Variants in TIAM1 observed in about 807,000 individuals in gnomAD.
TIAM1 encodes TIAM Rac1 associated GEF 1.
In TIAM1, 65 loss-of-function variants were observed where a neutral mutation model predicts 163.5. The ratio of observed to expected loss-of-function variants is 0.40; its 90% CI spans 0.33 to 0.49. TIAM1 has a LOEUF of 0.49. Ranked by LOEUF, TIAM1 falls within the 20% of genes least tolerant of loss-of-function variation. The probability of loss-of-function intolerance (pLI) is 0.77; values close to 1 mark genes in which losing one functional copy is unlikely to be tolerated. For missense variants in TIAM1, 1,789 were observed against 2,044.7 expected (o/e 0.87, Z 2.41); for synonymous variants, 833 against 810.1 (o/e 1.03, Z -0.48).
intron 16 of TIAM1, among the ~76,000 whole-genome samples, chr21:31,155,655 C>A (rs1306155511): frequency 6.6e-6 from 1 of 152,184 alleles, no homozygotes; most frequent in Admixed American, 6.5e-5. Flanking sequence ...CAGGCGCCCG[C>A]CACCACGCCC....
intron 2 of TIAM1, among the ~76,000 whole-genome samples, chr21:31,325,651 G>A (rs1399166825): frequency 6.8e-6 from 1 of 146,754 alleles, no homozygotes; most frequent in African/African-American, 2.5e-5. Context: ...CTGGGCGACA[G>A]AGCAAGACTC....
intron 2 of TIAM1, among the ~76,000 whole-genome samples, chr21:31,284,336 A>G (rs1177918129): frequency 6.6e-6 from 1 of 152,128 alleles, no homozygotes; most frequent in Non-Finnish European, 1.5e-5. Context: ...TCATTTTCCA[A>G]AATTGAGCCA....
At chr21:31,140,168 G>A (rs1601243702) in intron 22 of TIAM1, among the ~76,000 whole-genome samples, 3 of 152,170 alleles carry the variant, frequency 2.0e-5, no homozygotes, top group Admixed American at 1.3e-4. Flanking sequence ...AAATGAGCCT[G>A]GATAATGGCC....
At chr21:31,130,845 A>T (rs751992214) in intron 24 of TIAM1, 45 bp downstream of exon 24, 1 of 1,554,082 alleles carries the variant, frequency 6.4e-7, no homozygotes, top group Non-Finnish European at 8.9e-7. Flanking sequence ...TGATAAGCAG[A>T]TAGAGAAATA....
chr21:31,173,348 C>G (rs1429046724), intron 15 of TIAM1, among the ~76,000 whole-genome samples: 2 of 152,142 alleles, frequency 1.3e-5, no homozygotes, highest in African/African-American at 4.8e-5. Context: ...AGCTTAAACA[C>G]TGTCAATAAA....
intron 2 of TIAM1, among the ~76,000 whole-genome samples, chr21:31,409,548 T>C (rs1284267982): frequency 1.3e-5 from 2 of 152,142 alleles, no homozygotes; most frequent in African/African-American, 4.8e-5. Flanking sequence ...GACTTCCTGC[T>C]CCTTGGATGC....
intron 2 of TIAM1, among the ~76,000 whole-genome samples, chr21:31,302,616 C>G (rs1473731329): frequency 3.3e-5 from 5 of 152,210 alleles, no homozygotes; most frequent in Admixed American, 3.3e-4. Flanking sequence ...ACGCACAACA[C>G]TACACCACAA....
chr21:31,504,774 C>T (rs1419939174), intron 1 of TIAM1, among the ~76,000 whole-genome samples: 1 of 152,010 alleles, frequency 6.6e-6, no homozygotes, highest in Non-Finnish European at 1.5e-5. Context: ...TATTCATCGG[C>T]CTGCATTTTT....
rs960704689 is a variant in TIAM1, at chr21:31,339,283, G to T, written c.-229C>A. On this transcript the variant is annotated 5_prime_UTR_variant, in exon 2 of 28. Coordinates refer to ENST00000541036, the MANE Select transcript of TIAM1 (RefSeq NM_001353694.2). ...AGAGGCTTTGTCAAGATCTCCAAAT[G>T]GGCCATCTGCAGGGACTGCTCACAT... 7.5e-6 allele frequency: 3 copies of T among 398,426 alleles called. No homozygotes were observed. The highest frequency in any genetic ancestry group is 1.3e-5 in the Non-Finnish European group (3 of 226,058). The allele number at this position is 398,426 out of a possible 1,614,324, so 24.7% of individuals were successfully genotyped here. A position where few individuals can be genotyped will look rare whatever the true frequency, so the allele number is the denominator to read the frequency against.
chr21:31,390,746 T>C (rs2076952708), intron 2 of TIAM1, among the ~76,000 whole-genome samples: 1 of 152,236 alleles, frequency 6.6e-6, no homozygotes, highest in Admixed American at 6.5e-5. Flanking sequence ...CAGAGCTTTT[T>C]AAATGAACCT....
chr21:31,548,591 A>G (rs975622906), intron 1 of TIAM1, among the ~76,000 whole-genome samples: 6 of 151,120 alleles, frequency 4.0e-5, no homozygotes, highest in African/African-American at 1.5e-4. Context: ...GGGCTCAAAC[A>G]ATCCTCCTGC....
chr21:31,407,241 A>G (rs2077263009), intron 2 of TIAM1, among the ~76,000 whole-genome samples: 1 of 152,088 alleles, frequency 6.6e-6, no homozygotes, highest in African/African-American at 2.4e-5. Flanking sequence ...AAAATTGTAA[A>G]CGCTGCTAAA....
At chr21:31,148,254 A>G (rs2083226234) in intron 19 of TIAM1, among the ~76,000 whole-genome samples, 1 of 152,070 alleles carries the variant, frequency 6.6e-6, no homozygotes, top group African/African-American at 2.4e-5. Flanking sequence ...CTTGAATTGT[A>G]GCTCCCATAA....
At chr21:31,240,591 AC>A (rs1208881134) in intron 6 of TIAM1, among the ~76,000 whole-genome samples, 1 of 152,132 alleles carries the variant, frequency 6.6e-6, no homozygotes, top group African/African-American at 2.4e-5. Flanking sequence ...TCACTAAGCG[AC>A]CTGTCTAGCA....
chr21:31,451,454 G>C (rs1254412621), intron 2 of TIAM1, among the ~76,000 whole-genome samples: 1 of 152,184 alleles, frequency 6.6e-6, no homozygotes, highest in Admixed American at 6.5e-5. Flanking sequence ...ACATGACTGA[G>C]TAATCCAATT....
At chr21:31,478,170 C>T (rs1311452822) in intron 1 of TIAM1, among the ~76,000 whole-genome samples, 1 of 152,168 alleles carries the variant, frequency 6.6e-6, no homozygotes, top group Non-Finnish European at 1.5e-5. Flanking sequence ...CAAGCAAAAT[C>T]AATTATTTCT....
rs780930906 is a variant in TIAM1 at position 31,210,132 on chromosome 21, G to A, written c.2301C>T (p.Ser767=). ...GCTGATTATTGGGCAGACAGAACCA[G>A]GATGGAGTGAAATACTCGTGGACCC... The part of the protein sequence containing the change: ...DIWVHEYFTP[S]WFCLPNNQPA... Residue 767 remains serine, a synonymous_variant, in exon 11 of 28, where the codon TCC becomes TCT. Transcript: ENST00000541036. The A allele has an allele frequency of 6.2e-7, 1 of 1,614,206 alleles. No homozygotes were observed. The highest frequency in any genetic ancestry group is 8.5e-7 in the Non-Finnish European group (1 of 1,180,034).
Position 31,232,015 on chromosome 21 carries a change from A to C in TIAM1, c.1585-6065T>G, listed in dbSNP as rs544491247. ...CAACAGAGAGAAACTCCATCTCACA[A>C]AAAAAAAAAGTTCTGGCGATGAATA... On this transcript the variant is annotated intron_variant, in intron 6 of 27. Coordinates refer to ENST00000541036, the MANE Select transcript of TIAM1 (RefSeq NM_001353694.2). Among the ~76,000 whole-genome samples the C allele has an allele frequency of 1.0e-3, 154 of 149,714 alleles. 1 individual carries two copies. Among genetic ancestry groups the C allele is most frequent in the Non-Finnish European group, 1.8e-3 (119 of 66,912 alleles).
rs184933434 is a variant in TIAM1 at position 31,514,784 on chromosome 21, G to T, written c.-422+44143C>A. 2.6e-5 allele frequency among the ~76,000 whole-genome samples: 4 copies of T among 152,344 alleles called. No homozygotes were observed. The East Asian group carries it at 7.7e-4, about 29-fold the overall frequency. The stretch of plus-strand genomic sequence containing the variant: ...TGCAGAGTGCACGCCTGGAGGTCTG[G>T]AGTGTGGTCCCTGCTGATGCAGCTG... On this transcript the variant is annotated intron_variant, in intron 1 of 28. Coordinates refer to the TIAM1 transcript ENST00000286827.
Sources: allele counts gnomAD v4.1 joint callset (sites outside exome capture counted in the v4.1 genomes callset), GRCh38; gene constraint gnomAD v4.1.1; transcripts MANE v1.5; gene names NCBI Gene and HGNC (gene_info 2026-07-23, HGNC 2026-07-21).